CHMP3: variants seen among roughly 807,000 people sequenced by gnomAD.
CHMP3 encodes the protein 25.1 protein.
In CHMP3, 8 loss-of-function variants were observed where a neutral mutation model predicts 27.4. The ratio of observed to expected loss-of-function variants is 0.29; its 90% CI spans 0.17 to 0.53. The LOEUF is 0.53. Ranked by LOEUF, CHMP3 falls within the 20% of genes least tolerant of loss-of-function variation. CHMP3 has a pLI of 0.96. For missense variants in CHMP3, 208 were observed against 271.5 expected, an observed-to-expected ratio of 0.77 and a Z score of 1.64; for synonymous variants, 86 against 85.5, an observed-to-expected ratio of 1.01 and a Z score of -0.03.
intron 2 of CHMP3, among the ~76,000 whole-genome samples, chr2:86,539,716 T>C (rs1412407157): frequency 3.3e-5 from 5 of 152,158 alleles, no homozygotes; most frequent in Non-Finnish European, 2.9e-5. Flanking sequence ...CCACAATACA[T>C]TATTATTTTT....
intron 3 of CHMP3, among the ~76,000 whole-genome samples, chr2:86,526,398 G>GAAC (rs1675711577): frequency 2.0e-5 from 3 of 152,108 alleles, no homozygotes; most frequent in Admixed American, 2.0e-4. Flanking sequence ...AGGTGAAAAG[G>GAAC]TATGGAAAAA....
chr2:86,556,596 A>G (rs1438342724), intron 1 of CHMP3, among the ~76,000 whole-genome samples: 4 of 152,148 alleles, frequency 2.6e-5, no homozygotes, highest in Non-Finnish European at 4.4e-5. Flanking sequence ...ACTGATCTAG[A>G]TAAGTTAGTT....
intron 3 of CHMP3, among the ~76,000 whole-genome samples, chr2:86,528,313 T>C (rs1478356574): frequency 1.3e-5 from 2 of 152,104 alleles, no homozygotes; most frequent in Non-Finnish European, 1.5e-5. Context: ...CAGTGAAAAA[T>C]TTCTCCATAA....
At chr2:86,551,501 C>A (rs1371988904) in intron 1 of CHMP3, among the ~76,000 whole-genome samples, 1 of 152,142 alleles carries the variant, frequency 6.6e-6, no homozygotes, top group Admixed American at 6.5e-5. Context: ...AGGGGATCTG[C>A]CCACCTCGGC....
In CHMP3 at chr2:86,547,823, G is replaced by A. The variant is rs73946226; in HGVS notation, c.46-5511C>T. 1.2e-3 allele frequency among the ~76,000 whole-genome samples: 188 copies of A among 152,272 alleles called. 3 individuals are homozygous for A. Among genetic ancestry groups the A allele is most frequent in the African/African-American group, 4.2e-3 (173 of 41,564 alleles). ...ATAATTAAGTAAAACAGAACATAAC[G>A]TGTACAGAATAAAAAATCAACTAGT... On this transcript the variant is annotated intron_variant, in intron 1 of 5. Transcript: ENST00000263856.
chr2:86,531,461 T>G (rs1675916168), intron 2 of CHMP3, among the ~76,000 whole-genome samples: 2 of 152,178 alleles, frequency 1.3e-5, no homozygotes, highest in Non-Finnish European at 2.9e-5. Flanking sequence ...AGCTTCATAC[T>G]CCTGGCCTCA....
At chr2:86,546,801 T>C (rs1463130323) in intron 1 of CHMP3, among the ~76,000 whole-genome samples, 1 of 152,198 alleles carries the variant, frequency 6.6e-6, no homozygotes, top group Non-Finnish European at 1.5e-5. Flanking sequence ...GAATTGTTTA[T>C]TCATATCTTC....
At chr2:86,536,989 T>C (rs1319579632) in intron 2 of CHMP3, among the ~76,000 whole-genome samples, 5 of 152,064 alleles carry the variant, frequency 3.3e-5, no homozygotes, top group African/African-American at 1.2e-4. Flanking sequence ...ACTTCCTGGG[T>C]AGGTAGGACT....
intron 2 of CHMP3, among the ~76,000 whole-genome samples, chr2:86,530,524 A>G (rs1486355456): frequency 1.3e-5 from 2 of 152,146 alleles, no homozygotes; most frequent in Non-Finnish European, 2.9e-5. Flanking sequence ...ATATGTCAGA[A>G]CTTTCTTTTT....
In CHMP3 at chr2:86,563,402, AG is replaced by A. The variant is rs111532456; in HGVS notation, c.-55del. The A allele has an allele frequency of 0.15, 233,800 of 1,602,862 alleles. 19,556 individuals carry two copies. The highest frequency in any genetic ancestry group is 0.31 in the African/African-American group (23,285 of 74,782). ...GGCTTTCAGTTCCCCGCGCCCAGGC[AG>A]GTCACGGGCAGCCGCCTGGGCGGGG... On this transcript the variant is annotated 5_prime_UTR_variant, in exon 1 of 6. Transcript: ENST00000263856.
At chr2:86,521,893 A>G (rs1675536438) in intron 3 of CHMP3, among the ~76,000 whole-genome samples, 1 of 152,190 alleles carries the variant, frequency 6.6e-6, no homozygotes, top group Non-Finnish European at 1.5e-5. Flanking sequence ...TGCTATGAAC[A>G]CTGGCATCCA....
rs565201735 is a variant in CHMP3, at chr2:86,563,390, C to T, written c.-42G>A. 3.1e-6 allele frequency: 5 copies of T among 1,604,432 alleles called. No individual in the cohort carries two copies. Among genetic ancestry groups the T allele is most frequent in the African/African-American group, 1.4e-5 (1 of 70,644 alleles). On this transcript the variant is annotated 5_prime_UTR_variant, in exon 1 of 6. Transcript: ENST00000263856. ...CTTGCCCCTTCCGGCTTTCAGTTCC[C>T]CGCGCCCAGGCAGGTCACGGGCAGC... is the stretch of plus-strand genomic sequence containing the variant.
chr2:86,521,696 A>T (rs970508486), intron 3 of CHMP3, among the ~76,000 whole-genome samples: 3 of 152,200 alleles, frequency 2.0e-5, no homozygotes, highest in African/African-American at 7.2e-5. Context: ...TCCTTTTTTG[A>T]GGTGCTCATT....
intron 3 of CHMP3, among the ~76,000 whole-genome samples, chr2:86,527,543 C>T (rs1387690579): frequency 2.6e-5 from 4 of 152,134 alleles, no homozygotes; most frequent in African/African-American, 9.7e-5. Context: ...TTCAACATGA[C>T]AGGATTAAAC....
chr2:86,558,997 AG>A (rs1392520710), intron 1 of CHMP3, among the ~76,000 whole-genome samples: 3 of 152,172 alleles, frequency 2.0e-5, no homozygotes, highest in Non-Finnish European at 1.5e-5. Context: ...GGTTAATTTT[AG>A]GTATCTCCTC....
intron 3 of CHMP3, among the ~76,000 whole-genome samples, chr2:86,515,976 G>A (rs1403070825): frequency 6.6e-6 from 1 of 151,670 alleles, no homozygotes; most frequent in African/African-American, 2.4e-5. Context: ...GTGAAACCCC[G>A]TCTCCACTAA....
chr2:86,554,659 A>C (rs1342456670), intron 1 of CHMP3, among the ~76,000 whole-genome samples: 2 of 152,202 alleles, frequency 1.3e-5, no homozygotes, highest in Non-Finnish European at 2.9e-5. Flanking sequence ...TGTACAAAGA[A>C]GTCATATCCT....
intron 2 of CHMP3, among the ~76,000 whole-genome samples, chr2:86,535,522 CTT>C (rs1357175243): frequency 1.3e-5 from 2 of 152,058 alleles, no homozygotes; most frequent in African/African-American, 4.8e-5. Context: ...ATGAGCTTCT[CTT>C]TTTGAGTCTC....
intron 3 of CHMP3, among the ~76,000 whole-genome samples, chr2:86,527,727 G>A (rs1202557453): frequency 1.3e-5 from 2 of 152,102 alleles, no homozygotes; most frequent in South Asian, 2.1e-4. Flanking sequence ...TTGCAGAGCC[G>A]AGGAAGGTAG....
Sources: gnomAD v4.1 joint callset for allele counts (sites outside exome capture counted in the v4.1 genomes callset) on GRCh38, gnomAD v4.1.1 for gene constraint, MANE v1.5 for transcripts, NCBI Gene and HGNC (gene_info 2026-07-23, HGNC 2026-07-21) for gene names.